The following MEIOB variants were observed in gnomAD, a reference collection of about 807,000 sequenced individuals.
MEIOB encodes the protein meiosis specific with OB-fold.
In MEIOB, 50 loss-of-function variants were observed where a neutral mutation model predicts 53.1. The ratio of observed to expected loss-of-function variants is 0.94; its 90% CI spans 0.75 to 1.19. MEIOB has a LOEUF of 1.19. Among genes scored for constraint, MEIOB ranks in the 50% most tolerant of loss-of-function variants. MEIOB has a pLI of 0.00. For synonymous variants in MEIOB, 192 were observed against 182.5 expected (o/e 1.05, Z -0.42); for missense variants, 551 against 550.8 (o/e 1.00, Z 0.00).
chr16:1,840,850 C>T (rs1898887136), intron 11 of MEIOB, among the ~76,000 whole-genome samples: 1 of 151,370 alleles, frequency 6.6e-6, no homozygotes, highest in South Asian at 2.1e-4. Flanking sequence ...ACGCCCAGCC[C>T]TCTTATTATT....
chr16:1,854,109 G>T lies in MEIOB; in HGVS notation c.620C>A (p.Ala207Glu), dbSNP rs773133312. ...AGACATCGGTGTTTACCATGTCATC[G>T]CAAAAGACGACTCTGTTTCATCATA... ...RLYDETESSF[A>E]MTCWDNESIL... is the part of the protein sequence containing the mutation. The change falls in exon 7 of 14, where the codon GCG becomes GAG. Residue 207 changes from alanine to glutamate, a missense_variant. Ala to Glu is a moderately radical substitution (Grantham distance 107). Coordinates refer to ENST00000325962, the MANE Select transcript of MEIOB (RefSeq NM_001163560.3). 1 of 1,545,280 alleles carries T rather than the reference G, an allele frequency of 6.5e-7. No individual in the cohort carries two copies. The highest frequency in any genetic ancestry group is 2.0e-5 in the Admixed American group (1 of 50,734).
intron 9 of MEIOB, 117 bp downstream of exon 9, chr16:1,852,922 T>G (rs1328011038): frequency 1.5e-6 from 1 of 681,670 alleles, no homozygotes; most frequent in Non-Finnish European, 2.4e-6. Context: ...TAAAGCAATT[T>G]TTACTTCTAA....
At chr16:1,852,943 A>C in intron 9 of MEIOB, 96 bp downstream of exon 9, 1 of 781,678 alleles carries the variant, frequency 1.3e-6, no homozygotes, top group Non-Finnish European at 2.0e-6. Flanking sequence ...TTTGAATTAA[A>C]TCCAGGCTGA....
At chr16:1,865,890 A>C in intron 2 of MEIOB, 55 bp from the exon 3 acceptor site, 1 of 1,229,180 alleles carries the variant, frequency 8.1e-7, no homozygotes, top group East Asian at 2.6e-5. Context: ...GTACTTGATA[A>C]ATTTAATTTC....
At chr16:1,851,184 C>T (rs1899160807) in intron 9 of MEIOB, among the ~76,000 whole-genome samples, 1 of 152,154 alleles carries the variant, frequency 6.6e-6, no homozygotes, top group African/African-American at 2.4e-5. Flanking sequence ...CCGAGGCCTT[C>T]TTCCTGGGTG....
Position 1,841,824 on chromosome 16 carries a change from T to C in MEIOB, c.1030A>G (p.Arg344Gly). The C allele has an allele frequency of 6.4e-7, 1 of 1,567,314 alleles. No individual in the cohort carries two copies. Among genetic ancestry groups the C allele is most frequent in the South Asian group, 1.2e-5 (1 of 81,554 alleles). Residue 344 changes from arginine to glycine, a missense_variant, in exon 11 of 14, where the codon AGA becomes GGA. By Grantham distance (125) the Arg-to-Gly change is moderately radical (BLOSUM62 -2). Transcript: ENST00000325962. ...AAAAGTGACACGGATCCTTACCATC[T>C]ATTTCGAACTACTTTTGTAGTTTCA... The part of the protein sequence containing the change: ...DDETTKVVRN[R>G]CSSCGYIVNE...
intron 9 of MEIOB, among the ~76,000 whole-genome samples, chr16:1,849,043 G>C (rs1010730232): frequency 2.0e-5 from 3 of 152,158 alleles, no homozygotes; most frequent in African/African-American, 7.2e-5. Flanking sequence ...CCAGCACTTT[G>C]GGAGGCCAAG....
At chr16:1,871,484 G>T (rs1899745365) in intron 1 of MEIOB, among the ~76,000 whole-genome samples, 1 of 132,800 alleles carries the variant, frequency 7.5e-6, no homozygotes, top group South Asian at 2.5e-4. Flanking sequence ...CTCCCAAAGT[G>T]CTGGGATTAC....
intron 9 of MEIOB, among the ~76,000 whole-genome samples, chr16:1,850,838 G>A (rs972513405): frequency 3.4e-5 from 5 of 145,822 alleles, no homozygotes; most frequent in South Asian, 2.2e-4. Context: ...GGAGAATGGC[G>A]TGAACCCGGG....
chr16:1,856,318 G>C (rs560169897), intron 6 of MEIOB, among the ~76,000 whole-genome samples: 1 of 78,036 alleles, frequency 1.3e-5, no homozygotes, highest in East Asian at 3.9e-4. Flanking sequence ...ACCATGCCCA[G>C]CTAATTTTTT....
At chr16:1,857,056 C>T (rs1344249592) in intron 6 of MEIOB, among the ~76,000 whole-genome samples, 1 of 152,202 alleles carries the variant, frequency 6.6e-6, no homozygotes, top group Non-Finnish European at 1.5e-5. Flanking sequence ...GCCACTGTGC[C>T]TGGACTAATT....
chr16:1,860,477 T>C lies in MEIOB; in HGVS notation c.260-2A>G, dbSNP rs769617617. ...GGATCAGAGGATTTTCAATTATCAC[T>C]AAAACAGAGGGCAAAGTATGATGAT... On this transcript the variant is annotated splice_acceptor_variant, in intron 4 of 13. Coordinates refer to ENST00000325962, the MANE Select transcript of MEIOB (RefSeq NM_001163560.3). LOFTEE classifies it high-confidence loss of function. 6 of 1,521,594 alleles carry C rather than the reference T, an allele frequency of 3.9e-6. No homozygotes were observed. The highest frequency in any genetic ancestry group is 5.4e-6 in the Non-Finnish European group (6 of 1,120,854). 94.3% of individuals were successfully genotyped at this position (1,521,594 alleles called of 1,614,324 possible). A position where few individuals can be genotyped will look rare whatever the true frequency, so the allele number is the denominator to read the frequency against.
At chr16:1,871,207 T>C (rs1345233478) in intron 1 of MEIOB, among the ~76,000 whole-genome samples, 2 of 101,378 alleles carry the variant, frequency 2.0e-5, no homozygotes, top group Non-Finnish European at 4.1e-5. Context: ...CTGTCTCTTT[T>C]ACCCTACAAT....
chr16:1,861,939 G>C (rs200579457), intron 4 of MEIOB, 46 bp downstream of exon 4: 1 of 1,522,260 alleles, frequency 6.6e-7, no homozygotes, highest in African/African-American at 1.4e-5. Context: ...CATACCACAG[G>C]AATAACACTA....
rs1201955376 is a variant in MEIOB at position 1,835,148 on chromosome 16, G to A, written c.1306-782C>T. ...TGCACACCTGTGGTCCCAGCTACTC[G>A]GTGGCTGAGGCGGGAGGATCACTTG... is the stretch of plus-strand genomic sequence containing the variant. On this transcript the variant is annotated intron_variant, in intron 13 of 13. Transcript: ENST00000325962. 5.3e-5 allele frequency among the ~76,000 whole-genome samples: 8 copies of A among 152,186 alleles called. 1 individual carries two copies. Among genetic ancestry groups the A allele is most frequent in the South Asian group, 4.2e-4 (2 of 4,818 alleles).
Position 1,857,717 on chromosome 16 carries a change from G to A in MEIOB, c.528+18C>T. The A allele has an allele frequency of 1.3e-6, 2 of 1,548,326 alleles. No homozygotes were observed. Among genetic ancestry groups the A allele is most frequent in the Non-Finnish European group, 1.7e-6 (2 of 1,145,038 alleles). On this transcript the variant is annotated intron_variant, in intron 6 of 13. Transcript: ENST00000325962. ...CCCCTGCCAGATTGCACTTGGCTTTGTCGGGGTTTTAACTTACCGATTTCA... is the reference window on the plus strand; with the variant it reads ...CCCCTGCCAGATTGCACTTGGCTTTATCGGGGTTTTAACTTACCGATTTCA...
At chr16:1,838,170 T>C (rs1898800370) in intron 12 of MEIOB, 1 of 500,132 alleles carries the variant, frequency 2.0e-6, no homozygotes, top group East Asian at 3.1e-5. Context: ...TTGTTTTATG[T>C]TTTATGTTTT....
rs1407332600 is a variant in MEIOB at position 1,868,152 on chromosome 16, C to A, written c.24G>T (p.Arg8Ser). 3 of 1,533,428 alleles carry A rather than the reference C, an allele frequency of 2.0e-6. No individual in the cohort carries two copies. Among genetic ancestry groups the A allele is most frequent in the African/African-American group, 1.4e-5 (1 of 72,936 alleles). The allele number at this position is 1,533,428 out of a possible 1,614,324, so 95.0% of individuals were successfully genotyped here. ...GCAGATCTGAAAGGGTAGTGAAAAT[C>A]CTCGCTGCAAAGGAGTTTGCCATTT... MANSFAA[R>S]IFTTLSDLQT... is the part of the protein sequence containing the mutation. The change falls in exon 2 of 14, where the codon AGG becomes AGT. Residue 8 changes from arginine to serine, a missense_variant. Arg to Ser is a moderately radical substitution (Grantham distance 110, BLOSUM62 -1). Coordinates refer to ENST00000325962, the MANE Select transcript of MEIOB (RefSeq NM_001163560.3).
At chr16:1,869,350 C>A (rs1899673563) in intron 1 of MEIOB, among the ~76,000 whole-genome samples, 1 of 151,994 alleles carries the variant, frequency 6.6e-6, no homozygotes, top group South Asian at 2.1e-4. Flanking sequence ...GTCTTGAACT[C>A]CTGATCTCAA....
Sources: gnomAD v4.1 joint callset for allele counts (sites outside exome capture counted in the v4.1 genomes callset) on GRCh38, gnomAD v4.1.1 for gene constraint, MANE v1.5 for transcripts, NCBI Gene and HGNC (gene_info 2026-07-23, HGNC 2026-07-21) for gene names.